The following LIFR variants were observed in gnomAD, a reference collection of about 807,000 sequenced individuals.
LIFR encodes LIF receptor subunit alpha.
In LIFR, 84 loss-of-function variants were observed where a neutral mutation model predicts 122.2. The observed-to-expected ratio is 0.69, with a 90% CI of 0.58 to 0.82. The LOEUF is 0.82. Ranked by LOEUF, LIFR falls within the 40% of genes least tolerant of loss-of-function variation. LIFR has a pLI of 0.00. For synonymous variants in LIFR, 422 were observed against 434.7 expected, an observed-to-expected ratio of 0.97 and a Z score of 0.36; for missense variants, 1,294 against 1,311.6, an observed-to-expected ratio of 0.99 and a Z score of 0.21.
At chr5:38,588,046 C>T (rs572001802) in intron 1 of LIFR, among the ~76,000 whole-genome samples, 1 of 152,310 alleles carries the variant, frequency 6.6e-6, no homozygotes, top group East Asian at 1.9e-4. Flanking sequence ...TTATTTTTGA[C>T]CTAGAGCAAC....
At chr5:38,603,255 C>T (rs932973092) in intron 2 of LIFR, among the ~76,000 whole-genome samples, 2 of 152,186 alleles carry the variant, frequency 1.3e-5, no homozygotes, top group Non-Finnish European at 2.9e-5. Flanking sequence ...GCCTTGGTCT[C>T]TTTTCTTGCC....
In LIFR at chr5:38,504,221, A is replaced by C. The variant is rs1041808097; in HGVS notation, c.1292-100T>G. The C allele has an allele frequency of 8.0e-5, 66 of 829,154 alleles. No homozygotes were observed. In the African/African-American group the frequency reaches 1.1e-3, roughly 13 times the overall value. The allele number at this position is 829,154 out of a possible 1,614,324, so 51.4% of individuals were successfully genotyped here. A position where few individuals can be genotyped will look rare whatever the true frequency, so the allele number is the denominator to read the frequency against. On this transcript the variant is annotated intron_variant, in intron 9 of 19. Transcript: ENST00000453190. ...AAAACATAAAAAACAACGAGGCATC[A>C]TTAGTGCTGACCAACAACATCCTAC...
intron 18 of LIFR, among the ~76,000 whole-genome samples, chr5:38,484,344 C>T (rs1315995531): frequency 1.3e-5 from 2 of 152,060 alleles, no homozygotes; most frequent in Admixed American, 6.5e-5. Context: ...TTGTGCACCA[C>T]GATATGATAT....
rs1744512024 is a variant in LIFR, at chr5:38,490,265, T to C, written c.2092A>G (p.Asn698Asp). Residue 698 changes from asparagine to aspartate, a missense_variant, in exon 15 of 20, where the codon AAT becomes GAT. Coordinates refer to ENST00000453190, the MANE Select transcript of LIFR (RefSeq NM_001127671.2). ...TTTCTGCATCCATACAGGAAAAAAT[T>C]ATATCTTATACCTGGTCGAAACTCA... ...SDEFRPGIRYNFFLYGCRNQG... is the reference protein window; with the variant it reads ...SDEFRPGIRYDFFLYGCRNQG... 1.3e-6 allele frequency: 2 copies of C among 1,564,996 alleles called. No homozygotes were observed. The highest frequency in any genetic ancestry group is 1.8e-6 in the Non-Finnish European group (2 of 1,137,614).
At chr5:38,488,922 CTT>C (rs1467814737) in intron 16 of LIFR, among the ~76,000 whole-genome samples, 154 bp downstream of exon 16, 2 of 152,176 alleles carry the variant, frequency 1.3e-5, no homozygotes, top group Non-Finnish European at 2.9e-5. Context: ...TCTTAAAACT[CTT>C]ATATTCATAG....
At chr5:38,575,615 A>G (rs931898591) in intron 1 of LIFR, among the ~76,000 whole-genome samples, 1 of 152,196 alleles carries the variant, frequency 6.6e-6, no homozygotes, top group African/African-American at 2.4e-5. Flanking sequence ...ATAGACTGTC[A>G]GAAATCCACT....
chr5:38,605,087 GA>G (rs1357019492), intron 2 of LIFR, among the ~76,000 whole-genome samples: 2 of 152,124 alleles, frequency 1.3e-5, no homozygotes, highest in Non-Finnish European at 1.5e-5. Context: ...CGAGAGAATA[GA>G]CTATAAAGGT....
chr5:38,597,023 G>A (rs1750116307), upstream of LIFR, among the ~76,000 whole-genome samples: 1 of 152,238 alleles, frequency 6.6e-6, no homozygotes, highest in African/African-American at 2.4e-5. Context: ...TCAGCTAGAG[G>A]AAGCCCAGCT....
chr5:38,570,215 T>G lies in LIFR; in HGVS notation c.-20+25046A>C, dbSNP rs369632214. The stretch of plus-strand genomic sequence containing the variant: ...TTAGGATTAAATGAATTTGTCTAAG[T>G]AGAGCATTTAGAACAGTGGCTGCTA... On this transcript the variant is annotated intron_variant, in intron 1 of 19. Transcript: ENST00000263409. Among the ~76,000 whole-genome samples the G allele has an allele frequency of 3.3e-5, 5 of 152,314 alleles. No individual in the cohort carries two copies. In the South Asian group the frequency reaches 1.0e-3, roughly 32 times the overall value.
intron 18 of LIFR, among the ~76,000 whole-genome samples, chr5:38,484,244 C>T (rs781338068): frequency 6.6e-6 from 1 of 152,224 alleles, no homozygotes; most frequent in Non-Finnish European, 1.5e-5. Flanking sequence ...CACCCACTCA[C>T]ACTCTGCAAG....
intron 1 of LIFR, among the ~76,000 whole-genome samples, chr5:38,532,158 G>T (rs191592477): frequency 1.5e-3 from 235 of 152,272 alleles, no homozygotes; most frequent in African/African-American, 5.3e-3. Context: ...ATCTTGAAAT[G>T]AAACAGTCCC....
At chr5:38,516,913 T>C (rs1746112772) in intron 5 of LIFR, among the ~76,000 whole-genome samples, 1 of 151,942 alleles carries the variant, frequency 6.6e-6, no homozygotes, top group African/African-American at 2.4e-5. Flanking sequence ...TGCAGGGACA[T>C]GAATGAAGTT....
upstream of LIFR, chr5:38,556,860 C>T (rs1008834610): frequency 1.3e-5 from 2 of 151,520 alleles, no homozygotes; most frequent in African/African-American, 2.4e-5. Context: ...GGTGCTTCCT[C>T]CGAGCCTCCG....
At chr5:38,510,805 G>C in intron 6 of LIFR, 87 bp from the exon 7 acceptor site, 1 of 1,167,462 alleles carries the variant, frequency 8.6e-7, no homozygotes, top group Non-Finnish European at 1.2e-6. Flanking sequence ...CTTTTCATAA[G>C]ATGACTTTTA....
At chr5:38,539,175 T>C (rs893855630) in intron 1 of LIFR, among the ~76,000 whole-genome samples, 2 of 152,096 alleles carry the variant, frequency 1.3e-5, no homozygotes, top group African/African-American at 4.8e-5. Context: ...GGTCTCGATC[T>C]CCTGACCTAG....
intron 1 of LIFR, among the ~76,000 whole-genome samples, chr5:38,575,275 G>A (rs763447722): frequency 1.3e-5 from 2 of 152,198 alleles, no homozygotes; most frequent in Non-Finnish European, 2.9e-5. Flanking sequence ...TCTTGGAAGA[G>A]TAGTGATTGG....
At chr5:38,590,959 T>C (rs551301720) in intron 1 of LIFR, among the ~76,000 whole-genome samples, 1 of 152,350 alleles carries the variant, frequency 6.6e-6, no homozygotes, top group Non-Finnish European at 1.5e-5. Context: ...ACATAAATCC[T>C]GTCCTTATGG....
intron 2 of LIFR, 37 bp from the exon 3 acceptor site, chr5:38,528,877 C>A (rs1342189438): frequency 6.4e-5 from 25 of 393,262 alleles, no homozygotes; most frequent in Non-Finnish European, 9.3e-5. Context: ...CACACACACA[C>A]AGACACACAT....
intron 1 of LIFR, among the ~76,000 whole-genome samples, chr5:38,573,386 C>T (rs562671650): frequency 2.6e-5 from 4 of 152,216 alleles, no homozygotes; most frequent in South Asian, 2.1e-4. Flanking sequence ...TACCTGTCTG[C>T]GTTGTTGTGG....
Sources: gnomAD v4.1 joint callset for allele counts (sites outside exome capture counted in the v4.1 genomes callset) on GRCh38, gnomAD v4.1.1 for gene constraint, MANE v1.5 for transcripts, NCBI Gene and HGNC (gene_info 2026-07-23, HGNC 2026-07-21) for gene names.